The following IFIT1B variants were observed in gnomAD, a reference collection of about 807,000 sequenced individuals.
IFIT1B encodes protein IFIT1 homolog B.
IFIT1B carries 3 observed loss-of-function variants against 2.5 expected under a neutral mutation model. That is an observed-to-expected ratio of 1.21 (90% CI 0.55 to 3.14). The LOEUF (loss-of-function observed/expected upper bound fraction) is 3.14, where lower values mean the gene tolerates loss of function less well. IFIT1B is among the 30% of genes most tolerant of loss of function. The pLI, the probability that IFIT1B is intolerant of heterozygous loss-of-function variation, is 0.03. For missense variants in IFIT1B, 545 were observed against 556.5 expected (o/e 0.98, Z 0.21); for synonymous variants, 196 against 203.0 (o/e 0.97, Z 0.29).
intron 1 of IFIT1B, among the ~76,000 whole-genome samples, chr10:89,381,765 T>TCTTTC (rs2133603220): frequency 6.6e-6 from 1 of 152,184 alleles, no homozygotes; most frequent in Admixed American, 6.5e-5. Context: ...TTTCTTCCTT[T>TCTTTC]CTTTCCTTTC....
rs770527073 is a variant in IFIT1B, at chr10:89,384,388, G to A, written c.1075G>A (p.Ala359Thr). Residue 359 changes from alanine to threonine, a missense_variant, in exon 2 of 2, where the codon GCT becomes ACT. Ala to Thr is a moderately conservative substitution (Grantham distance 58, BLOSUM62 0). Coordinates refer to ENST00000371809, the MANE Select transcript of IFIT1B (RefSeq NM_001010987.2). ...TGCAGAAATAGGCCACCACAGAAAG[G>A]CTGAGGAACATTTTCAGAAAGGGTT... The part of the protein sequence containing the change: ...TYAEIGHHRK[A>T]EEHFQKGLRM... The A allele has an allele frequency of 1.9e-5, 31 of 1,614,002 alleles. No individual in the cohort carries two copies. In the Admixed American group the frequency reaches 5.0e-4, roughly 26 times the overall value.
At chr10:89,381,385 AC>A in intron 1 of IFIT1B, among the ~76,000 whole-genome samples, 1 of 152,040 alleles carries the variant, frequency 6.6e-6, no homozygotes, top group Admixed American at 6.5e-5. Context: ...TCCTGACCCC[AC>A]CTCACCCAGC....
intron 1 of IFIT1B, among the ~76,000 whole-genome samples, chr10:89,381,341 G>A (rs1844161361): frequency 6.6e-6 from 1 of 152,054 alleles, no homozygotes; most frequent in East Asian, 1.9e-4. Context: ...TATTTTCAGT[G>A]AGCATTCTTC....
At chr10:89,382,140 GTTATA>G (rs754137539) in intron 1 of IFIT1B, among the ~76,000 whole-genome samples, 73 of 151,926 alleles carry the variant, frequency 4.8e-4, no homozygotes, top group African/African-American at 1.3e-3. Flanking sequence ...TTAGATTATG[GTTATA>G]TTATATTATA....
chr10:89,379,126 GTTGT>G (rs891842335), intron 1 of IFIT1B, among the ~76,000 whole-genome samples: 10 of 152,180 alleles, frequency 6.6e-5, no homozygotes, highest in Non-Finnish European at 8.8e-5. Flanking sequence ...CTGTTTTTCT[GTTGT>G]TTGTTTGTTT....
Position 89,378,284 on chromosome 10 carries a change from T to G in IFIT1B, c.5+144T>G, listed in dbSNP as rs554721383. On this transcript the variant is annotated intron_variant, in intron 1 of 1. Transcript: ENST00000371809. ...CTGACCCTGATAGGCACCCTCAACA[T>G]GATAACCAAGAAGAGTTTAATAAGG... 5.2e-6 allele frequency: 4 copies of G among 764,208 alleles called. No individual in the cohort carries two copies. The East Asian group carries it at 1.0e-4, about 20-fold the overall frequency. 47.3% of individuals were successfully genotyped at this position (764,208 alleles called of 1,614,324 possible).
In IFIT1B at chr10:89,383,301, T is replaced by A. The variant is rs750481252; in HGVS notation, c.6-18T>A. 2 of 1,586,694 alleles carry A rather than the reference T, an allele frequency of 1.3e-6. No homozygotes were observed. Among genetic ancestry groups the A allele is most frequent in the Non-Finnish European group, 1.7e-6 (2 of 1,164,016 alleles). ...AATACTTTCTCAAAATGTAATTAATTGCTGCCTATTTTTACAGTGAAGAAT... is the reference window on the plus strand; with the variant it reads ...AATACTTTCTCAAAATGTAATTAATAGCTGCCTATTTTTACAGTGAAGAAT... On this transcript the variant is annotated intron_variant, in intron 1 of 1. Transcript: ENST00000371809.
Position 89,384,612 on chromosome 10 carries a change from T to C in IFIT1B, c.1299T>C (p.Asn433=), listed in dbSNP as rs749797147. Residue 433 remains asparagine (N), a synonymous_variant, in exon 2 of 2, where the codon AAT becomes AAC. Coordinates refer to ENST00000371809, the MANE Select transcript of IFIT1B (RefSeq NM_001010987.2). Reference sequence around the variant, plus strand: ...TGGCTAAAAGATGTATTCACCAGAATGTACGGGTTGTGGAAAGTGTCAGCC... The same window carrying C: ...TGGCTAAAAGATGTATTCACCAGAACGTACGGGTTGTGGAAAGTGTCAGCC... ...EKLAKRCIHQ[N]VRVVESVSLL... The C allele has an allele frequency of 6.2e-7, 1 of 1,614,208 alleles. No individual in the cohort carries two copies.
chr10:89,383,960 A>T lies in IFIT1B; in HGVS notation c.647A>T (p.Asp216Val). ...CGAGCTGTCAGGCTAAATCCAGATG[A>T]TGTATATATTAGGGTTCTCCTTGCC... ...LKRAVRLNPD[D>V]VYIRVLLALK... Residue 216 changes from aspartate to valine, a missense_variant, in exon 2 of 2, where the codon GAT becomes GTT. Transcript: ENST00000371809. The T allele has an allele frequency of 6.2e-7, 1 of 1,614,192 alleles. No homozygotes were observed. The highest frequency in any genetic ancestry group is 1.7e-5 in the Admixed American group (1 of 60,024).
chr10:89,379,097 A>C (rs552075280), intron 1 of IFIT1B, among the ~76,000 whole-genome samples: 2 of 152,364 alleles, frequency 1.3e-5, no homozygotes, highest in Non-Finnish European at 2.9e-5. Flanking sequence ...TGGGAAAAAG[A>C]AGCTACTTTC....
rs777625306 is a variant in IFIT1B at position 89,383,493 on chromosome 10, T to C, written c.180T>C (p.Tyr60=). 13 of 1,614,060 alleles carry C rather than the reference T, an allele frequency of 8.1e-6. No individual in the cohort carries two copies. The highest frequency in any genetic ancestry group is 7.7e-5 in the South Asian group (7 of 91,092). The stretch of plus-strand genomic sequence containing the variant: ...TGGGAATACACAACCTACTAGCCTA[T>C]GTGAAACACCTGAAAGGCCAGAATG... The part of the protein sequence containing the change: ...YNVGIHNLLA[Y]VKHLKGQNEE... The change falls in exon 2 of 2, where the codon TAT becomes TAC. Residue 60 remains tyrosine (Y), a synonymous_variant. Coordinates refer to ENST00000371809, the MANE Select transcript of IFIT1B (RefSeq NM_001010987.2).
At position 89,378,072 on chromosome 10, in the gene IFIT1B, A is replaced by G. The variant is rs1301887192; in HGVS notation, c.-64A>G. The stretch of plus-strand genomic sequence containing the variant: ...AGAAGCCCTAGAACTCTGTGGATGA[A>G]CCTTGAAGGAGCCTCCAAGCCTGAA... On this transcript the variant is annotated 5_prime_UTR_variant, in exon 1 of 2. Coordinates refer to ENST00000371809, the MANE Select transcript of IFIT1B (RefSeq NM_001010987.2). The G allele has an allele frequency of 3.2e-6, 5 of 1,584,064 alleles. No homozygotes were observed. Among genetic ancestry groups the G allele is most frequent in the South Asian group, 1.1e-5 (1 of 90,308 alleles).
Position 89,384,453 on chromosome 10 carries a change from T to C in IFIT1B, c.1140T>C (p.Ile380=). 6.2e-7 allele frequency: 1 copy of C among 1,614,192 alleles called. No homozygotes were observed. Among genetic ancestry groups the C allele is most frequent in the East Asian group, 2.2e-5 (1 of 44,892 alleles). ...KIFEDQLKQE[I]HYHYGRFQEH... is the part of the protein sequence containing the mutation. ...TTGAAGATCAGCTAAAGCAAGAGAT[T>C]CATTACCACTACGGCCGTTTCCAAG... Residue 380 remains isoleucine, a synonymous_variant, in exon 2 of 2, where the codon ATT becomes ATC. Coordinates refer to ENST00000371809, the MANE Select transcript of IFIT1B (RefSeq NM_001010987.2).
chr10:89,379,031 G>T (rs974166813), intron 1 of IFIT1B, among the ~76,000 whole-genome samples: 4 of 152,158 alleles, frequency 2.6e-5, no homozygotes, highest in African/African-American at 9.7e-5. Context: ...TACTCTTTTA[G>T]GCATCCAGGT....
In IFIT1B at chr10:89,384,464, A is replaced by G; in HGVS notation, c.1151A>G (p.Tyr384Cys). The change falls in exon 2 of 2, where the codon TAC (tyrosine) becomes TGC (cysteine). Residue 384 changes from tyrosine (Y) to cysteine (C), a missense_variant. Tyr to Cys is a radical substitution (Grantham distance 194). Coordinates refer to ENST00000371809, the MANE Select transcript of IFIT1B (RefSeq NM_001010987.2). ...CTAAAGCAAGAGATTCATTACCACT[A>G]CGGCCGTTTCCAAGAACATCATGGG... The part of the protein sequence containing the change: ...DQLKQEIHYH[Y>C]GRFQEHHGKS... 6.2e-7 allele frequency: 1 copy of G among 1,611,810 alleles called. No individual in the cohort carries two copies. Among genetic ancestry groups the G allele is most frequent in the Non-Finnish European group, 8.5e-7 (1 of 1,177,880 alleles).
Position 89,384,832 on chromosome 10 carries a change from C to T in IFIT1B, c.*94C>T, listed in dbSNP as rs1418971642. Reference sequence around the variant, plus strand: ...CAAACTTAAAGCTGTTGGAAATTTACCTTATTTTGAGCCTTGAGAGGAATG... The same window carrying T: ...CAAACTTAAAGCTGTTGGAAATTTATCTTATTTTGAGCCTTGAGAGGAATG... On this transcript the variant is annotated 3_prime_UTR_variant, in exon 2 of 2. Coordinates refer to ENST00000371809, the MANE Select transcript of IFIT1B (RefSeq NM_001010987.2). 8.6e-7 allele frequency: 1 copy of T among 1,165,704 alleles called. No homozygotes were observed. The highest frequency in any genetic ancestry group is 2.4e-5 in the East Asian group (1 of 42,430). The allele number at this position is 1,165,704 out of a possible 1,614,324, so 72.2% of individuals were successfully genotyped here.
At position 89,383,478 on chromosome 10, in the gene IFIT1B, C is replaced by A; in HGVS notation, c.165C>A (p.His55Gln). ...ACACCAAATACAATGTGGGAATACA[C>A]AACCTACTAGCCTATGTGAAACACC... ...FLDTKYNVGI[H>Q]NLLAYVKHLK... is the part of the protein sequence containing the mutation. Residue 55 changes from histidine (H) to glutamine (Q), a missense_variant, in exon 2 of 2, where the codon CAC becomes CAA. Physicochemically the swap from His to Gln is conservative, Grantham distance 24 (BLOSUM62 0). Transcript: ENST00000371809. 1.2e-6 allele frequency: 2 copies of A among 1,614,218 alleles called. No individual in the cohort carries two copies.
In IFIT1B at chr10:89,383,617, G is replaced by T. The variant is rs74146921; in HGVS notation, c.304G>T (p.Ala102Ser). ...AAGTCTGGTGACCTGGGGCAACTTTGCCTGGGTGTATTACCACATGGGCAG... is the reference window on the plus strand; with the variant it reads ...AAGTCTGGTGACCTGGGGCAACTTTTCCTGGGTGTATTACCACATGGGCAG... ...IRSLVTWGNFAWVYYHMGRLA... is the reference protein window; with the variant it reads ...IRSLVTWGNFSWVYYHMGRLA... Residue 102 changes from alanine (A) to serine (S), a missense_variant, in exon 2 of 2, where the codon GCC (alanine) becomes TCC (serine). Ala to Ser is a moderately conservative substitution (Grantham distance 99). Coordinates refer to ENST00000371809, the MANE Select transcript of IFIT1B (RefSeq NM_001010987.2). The T allele has an allele frequency of 1.7e-3, 2,708 of 1,614,208 alleles. 42 individuals are homozygous for T. The African/African-American group carries it at 0.033, about 19-fold the overall frequency.
In IFIT1B at chr10:89,384,480, A is replaced by T; in HGVS notation, c.1167A>T (p.Glu389Asp). The T allele has an allele frequency of 1.2e-6, 2 of 1,614,188 alleles. No individual in the cohort carries two copies. The highest frequency in any genetic ancestry group is 1.7e-6 in the Non-Finnish European group (2 of 1,180,030). Residue 389 changes from glutamate to aspartate, a missense_variant, in exon 2 of 2, where the codon GAA becomes GAT. Transcript: ENST00000371809. The part of the protein sequence containing the change: ...EIHYHYGRFQ[E>D]HHGKSQDKAI... The stretch of plus-strand genomic sequence containing the variant: ...ATTACCACTACGGCCGTTTCCAAGA[A>T]CATCATGGGAAATCTCAAGATAAAG...
Sources: gnomAD v4.1 joint callset for allele counts (sites outside exome capture counted in the v4.1 genomes callset) on GRCh38, gnomAD v4.1.1 for gene constraint, MANE v1.5 for transcripts, NCBI Gene and HGNC (gene_info 2026-07-23, HGNC 2026-07-21) for gene names.